The following RUVBL1 variants were observed in gnomAD, a reference collection of about 807,000 sequenced individuals.
RUVBL1 encodes the protein RuvB like AAA ATPase 1, also known as ruvB-like 1.
A neutral mutation model predicts 52.4 loss-of-function variants in RUVBL1; 4 were observed. That is an observed-to-expected ratio of 0.08 (90% CI 0.04 to 0.17). The LOEUF is 0.17. Among genes scored for constraint, RUVBL1 ranks in the 10% least tolerant of loss-of-function variants. RUVBL1 has a pLI of 1.00. For synonymous variants in RUVBL1, 217 were observed against 214.4 expected (o/e 1.01, Z -0.10); for missense variants, 298 against 572.8 (o/e 0.52, Z 4.90).
At chr3:128,087,510 G>A (rs1227924043) in intron 9 of RUVBL1, among the ~76,000 whole-genome samples, 196 bp downstream of exon 9, 5 of 152,220 alleles carry the variant, frequency 3.3e-5, no homozygotes, top group Non-Finnish European at 1.5e-5. Context: ...TTGGGGCAAT[G>A]TCTAGTTAGA....
Position 128,067,209 on chromosome 3 carries a change from C to T in RUVBL1, c.940-1989G>A. 6.7e-7 allele frequency: 1 copy of T among 1,495,544 alleles called. No homozygotes were observed. The highest frequency in any genetic ancestry group is 9.3e-7 in the Non-Finnish European group (1 of 1,073,100). The allele number at this position is 1,495,544 out of a possible 1,614,324, so 92.6% of individuals were successfully genotyped here. On this transcript the variant is annotated intron_variant, in intron 9 of 9. Coordinates refer to the RUVBL1 transcript ENST00000464873. This position sits in a 1 kb window ranked among gnomAD's most constrained non-coding sequence, Gnocchi z 4.1. ...GCAGCTAAGTTGCAGTGGTTTCTAT[C>T]AGTGTCTTGCTCATGAACAGATATT...
At chr3:128,151,193 C>G (rs1270439413) in intron 1 of RUVBL1, among the ~76,000 whole-genome samples, 2 of 129,290 alleles carry the variant, frequency 1.5e-5, no homozygotes, top group African/African-American at 5.9e-5. Context: ...TCTATATATA[C>G]TCTATATATT....
chr3:128,110,735 C>T (rs1306957320), intron 3 of RUVBL1, among the ~76,000 whole-genome samples: 2 of 152,090 alleles, frequency 1.3e-5, no homozygotes, highest in African/African-American at 2.4e-5. Flanking sequence ...CGCTCAGCTC[C>T]GCCTGCTGTG....
intron 9 of RUVBL1, chr3:128,070,023 C>G (rs748028304): frequency 5.6e-6 from 1 of 177,074 alleles, no homozygotes; most frequent in South Asian, 1.5e-4. Context: ...ATTTCTCACT[C>G]TGGTTGGAAG....
intron 9 of RUVBL1, chr3:128,084,082 A>AAAAG (rs758191407): frequency 6.5e-6 from 1 of 153,132 alleles, no homozygotes; most frequent in South Asian, 2.1e-4. Flanking sequence ...CCATCTCAAA[A>AAAAG]AAAGAAAGAA....
chr3:128,074,893 C>T (rs1254550352), intron 9 of RUVBL1, among the ~76,000 whole-genome samples: 1 of 146,034 alleles, frequency 6.8e-6, no homozygotes, highest in East Asian at 2.0e-4. Flanking sequence ...AAGTACTGAA[C>T]TCTAGATAAT....
intron 8 of RUVBL1, among the ~76,000 whole-genome samples, chr3:128,093,449 C>CAAA (rs11452118): frequency 6.2e-5 from 9 of 145,974 alleles, no homozygotes; most frequent in African/African-American, 2.0e-4. Context: ...CTAGAAATCA[C>CAAA]AAAAAAAAAC....
At chr3:128,098,445 G>A (rs979573105) in intron 7 of RUVBL1, among the ~76,000 whole-genome samples, 4 of 152,226 alleles carry the variant, frequency 2.6e-5, no homozygotes, top group African/African-American at 9.6e-5. Flanking sequence ...GGGAAGAGCA[G>A]CAGGTTAAAT....
At chr3:128,110,693 T>TC (rs1043293794) in intron 3 of RUVBL1, among the ~76,000 whole-genome samples, 5 of 152,060 alleles carry the variant, frequency 3.3e-5, no homozygotes, top group African/African-American at 1.2e-4. Context: ...GTCACAAACT[T>TC]CAATGCTTAT....
intron 1 of RUVBL1, among the ~76,000 whole-genome samples, chr3:128,138,516 T>C (rs1159875588): frequency 6.6e-6 from 1 of 152,002 alleles, no homozygotes; most frequent in Non-Finnish European, 1.5e-5. Flanking sequence ...CAGAGATCTC[T>C]ACAGTGAAAA....
intron 7 of RUVBL1, 67 bp downstream of exon 7, chr3:128,098,815 A>T (rs1310980300): frequency 1.5e-6 from 2 of 1,352,846 alleles, no homozygotes; most frequent in Non-Finnish European, 2.1e-6. Flanking sequence ...ACAGAGCCGC[A>T]AGAGCATCTC....
chr3:128,124,792 G>A (rs553678429), upstream of RUVBL1, among the ~76,000 whole-genome samples: 1 of 152,170 alleles, frequency 6.6e-6, no homozygotes, highest in Admixed American at 6.5e-5. Flanking sequence ...GAGAGCCAGG[G>A]AAGGCATCAT....
chr3:128,081,091 C>T lies in RUVBL1; in HGVS notation c.*159G>A, dbSNP rs764386458. On this transcript the variant is annotated 3_prime_UTR_variant, in exon 11 of 11. Transcript: ENST00000322623. This position sits in a 1 kb window ranked among gnomAD's most constrained non-coding sequence, Gnocchi z 4.8. Reference sequence around the variant, plus strand: ...TTCAAAGCAACCACAGGAACAGTTACGATAACTTAAAAAGAAATGCTTTCC... The same window carrying T: ...TTCAAAGCAACCACAGGAACAGTTATGATAACTTAAAAAGAAATGCTTTCC... The T allele has an allele frequency of 1.9e-5, 12 of 639,762 alleles. No homozygotes were observed. Among genetic ancestry groups the T allele is most frequent in the South Asian group, 7.2e-5 (3 of 41,936 alleles). The allele number at this position is 639,762 out of a possible 1,614,324, so 39.6% of individuals were successfully genotyped here.
chr3:128,100,190 C>T (rs1464065875), intron 6 of RUVBL1, among the ~76,000 whole-genome samples: 3 of 152,194 alleles, frequency 2.0e-5, no homozygotes, highest in Admixed American at 1.3e-4. Context: ...AAAGCTAAAA[C>T]ACTGTGGCTT....
intron 8 of RUVBL1, among the ~76,000 whole-genome samples, chr3:128,089,332 T>C (rs996755979): frequency 1.3e-5 from 2 of 152,206 alleles, no homozygotes; most frequent in African/African-American, 4.8e-5. Context: ...TCAGCTAGTG[T>C]TTGGAGGGCC....
chr3:128,071,090 GGCCACC>G (rs1001821029), intron 9 of RUVBL1: 5 of 152,374 alleles, frequency 3.3e-5, no homozygotes, highest in African/African-American at 1.2e-4. Flanking sequence ...CAAAGCACAG[GGCCACC>G]GCCACAGCCC....
intron 1 of RUVBL1, among the ~76,000 whole-genome samples, chr3:128,150,040 C>G (rs890165717): frequency 1.3e-5 from 2 of 152,100 alleles, no homozygotes; most frequent in African/African-American, 4.8e-5. Context: ...CTGTGCAGCA[C>G]GTTCTTTCAT....
At chr3:128,069,648 G>GC (rs1250076085) in intron 9 of RUVBL1, 2 of 1,613,928 alleles carry the variant, frequency 1.2e-6, no homozygotes, top group Non-Finnish European at 8.5e-7. Context: ...CAGCATGGGG[G>GC]CCCTGCTCTT....
intron 9 of RUVBL1, among the ~76,000 whole-genome samples, chr3:128,074,842 C>CAAAAAAAAAAAAA (rs386397876): frequency 2.7e-5 from 2 of 72,800 alleles, no homozygotes; most frequent in African/African-American, 9.8e-5. Context: ...AACTCCGTCT[C>CAAAAAAAAAAAAA]AAAAAAAAAA....
Sources: allele counts gnomAD v4.1 joint callset (sites outside exome capture counted in the v4.1 genomes callset), GRCh38; gene constraint gnomAD v4.1.1; non-coding constraint Gnocchi (gnomAD v3.1); transcripts MANE v1.5; gene names NCBI Gene and HGNC (gene_info 2026-07-23, HGNC 2026-07-21).